Variants in BACE2 observed in about 807,000 individuals in gnomAD.
BACE2 encodes beta-secretase 2.
In BACE2, 17 loss-of-function variants were observed where a neutral mutation model predicts 46.2. That is an observed-to-expected ratio of 0.37 (90% CI 0.25 to 0.55). The LOEUF (loss-of-function observed/expected upper bound fraction) is 0.55. Ranked by LOEUF, BACE2 falls within the 20% of genes least tolerant of loss-of-function variation. The pLI, the probability that BACE2 is intolerant of heterozygous loss-of-function variation, is 0.82. For missense variants in BACE2, 595 were observed against 698.1 expected (o/e 0.85, Z 1.66); for synonymous variants, 277 against 295.9 (o/e 0.94, Z 0.66).
At chr21:41,192,973 A>G (rs1985625609) in intron 1 of BACE2, among the ~76,000 whole-genome samples, 1 of 152,204 alleles carries the variant, frequency 6.6e-6, no homozygotes, top group Admixed American at 6.5e-5. Flanking sequence ...TTACTGAGGT[A>G]GAAGGTCCCT....
chr21:41,186,302 G>A (rs911902679), intron 1 of BACE2: 1 of 152,294 alleles, frequency 6.6e-6, no homozygotes, highest in Non-Finnish European at 1.5e-5. Context: ...ACACGAGGCA[G>A]CTGTACTATG....
At position 41,238,563 on chromosome 21, in the gene BACE2, A is replaced by G. The variant is rs375162907; in HGVS notation, c.618+834A>G. Among the ~76,000 whole-genome samples, 5 of 152,210 alleles carry G rather than the reference A, an allele frequency of 3.3e-5. No homozygotes were observed. The South Asian group carries it at 6.2e-4, about 19-fold the overall frequency. ...GACTTGGAACCAACCCAAATGTCCA[A>G]CAATGATAGACTGGATTAAGAAAAT... On this transcript the variant is annotated intron_variant, in intron 3 of 8. Coordinates refer to ENST00000330333, the MANE Select transcript of BACE2 (RefSeq NM_012105.5).
rs968712301 is a variant in BACE2, at chr21:41,282,117, G to C, written c.*6493G>C. 6.6e-6 allele frequency: 1 copy of C among 152,206 alleles called. No homozygotes were observed. The highest frequency in any genetic ancestry group is 1.5e-5 in the Non-Finnish European group (1 of 68,032). 9.4% of individuals were successfully genotyped at this position (152,206 alleles called of 1,614,324 possible). On this transcript the variant is annotated 3_prime_UTR_variant, in exon 9 of 9. Coordinates refer to ENST00000330333, the MANE Select transcript of BACE2 (RefSeq NM_012105.5). ...TCAGTATTTTGCTTCTGGCAGGAGA[G>C]CTGCAAACTGTGTATCCTCAAACAG...
intron 3 of BACE2, among the ~76,000 whole-genome samples, chr21:41,239,380 A>C (rs1987225997): frequency 6.6e-6 from 1 of 151,950 alleles, no homozygotes; most frequent in South Asian, 2.1e-4. Context: ...TTTTCTTTTT[A>C]CTTTTTTATT....
At chr21:41,188,486 A>G (rs1371662308) in intron 1 of BACE2, among the ~76,000 whole-genome samples, 1 of 152,154 alleles carries the variant, frequency 6.6e-6, no homozygotes, top group African/African-American at 2.4e-5. Flanking sequence ...GAAATATTTA[A>G]TAGGGACTTA....
chr21:41,218,966 G>A (rs763147031), intron 1 of BACE2, among the ~76,000 whole-genome samples: 3 of 151,568 alleles, frequency 2.0e-5, no homozygotes, highest in African/African-American at 7.3e-5. Flanking sequence ...GGGTTCAAGC[G>A]ATTTTCCTGC....
intron 1 of BACE2, among the ~76,000 whole-genome samples, chr21:41,205,076 C>T (rs766722046): frequency 7.2e-5 from 11 of 152,100 alleles, no homozygotes; most frequent in Non-Finnish European, 1.2e-4. Context: ...TTCTGTGTTG[C>T]GCATTCAGTT....
At chr21:41,169,166 C>T (rs1038705323) in intron 1 of BACE2, among the ~76,000 whole-genome samples, 1 of 152,016 alleles carries the variant, frequency 6.6e-6, no homozygotes. Context: ...TCCCCTGCGC[C>T]CGCTTTCCTT....
intron 4 of BACE2, 120 bp downstream of exon 4, chr21:41,242,067 A>G: frequency 7.7e-7 from 1 of 1,302,624 alleles, no homozygotes; most frequent in Non-Finnish European, 1.1e-6. Flanking sequence ...GTACTGTAAA[A>G]CTTTCATCCT....
chr21:41,250,303 T>C (rs1987601693), intron 6 of BACE2, among the ~76,000 whole-genome samples: 1 of 152,168 alleles, frequency 6.6e-6, no homozygotes, highest in Non-Finnish European at 1.5e-5. Context: ...GGCAACTTGC[T>C]GGGCTTATGG....
At chr21:41,226,476 A>G in intron 2 of BACE2, 122 bp downstream of exon 2, 6 of 777,288 alleles carry the variant, frequency 7.7e-6, no homozygotes, top group Non-Finnish European at 1.3e-5. Flanking sequence ...ACCAATATGT[A>G]TGTGTATGTA....
chr21:41,247,818 A>C (rs1044001637), intron 6 of BACE2, among the ~76,000 whole-genome samples: 8 of 152,324 alleles, frequency 5.3e-5, no homozygotes, highest in African/African-American at 1.7e-4. Flanking sequence ...AAACATGGGA[A>C]GGTTGTTTGT....
At position 41,170,014 on chromosome 21, in the gene BACE2, C is replaced by A. The variant is rs1370857506; in HGVS notation, c.312+1439C>A. On this transcript the variant is annotated intron_variant, in intron 1 of 8. Coordinates refer to ENST00000330333, the MANE Select transcript of BACE2 (RefSeq NM_012105.5). ...TATTGAGGAAGAACCTCTTCTGTGA[C>A]CTGCAGAGAATCTTTTGGAACAGGC... Among the ~76,000 whole-genome samples the A allele has an allele frequency of 2.6e-5, 4 of 152,112 alleles. No homozygotes were observed. The East Asian group carries it at 7.7e-4, about 29-fold the overall frequency.
intron 1 of BACE2, among the ~76,000 whole-genome samples, chr21:41,195,558 A>C (rs1217659129): frequency 6.6e-6 from 1 of 152,230 alleles, no homozygotes; most frequent in Non-Finnish European, 1.5e-5. Context: ...CCAACCGTGC[A>C]GTCAAATACA....
chr21:41,210,720 T>C (rs1006221040), intron 1 of BACE2, among the ~76,000 whole-genome samples: 1 of 152,196 alleles, frequency 6.6e-6, no homozygotes, highest in African/African-American at 2.4e-5. Context: ...GGCTGCTCAC[T>C]TGAGTGCCTT....
At position 41,280,431 on chromosome 21, in the gene BACE2, CT is replaced by C. The variant is rs1280718083; in HGVS notation, c.*4808del. Reference sequence around the variant, plus strand: ...TTCCAGGAAAGGAGCTCCCTCCTGTCTCACTGCTGTCAGCGTGGGAGCCCTG... The same window carrying C: ...TTCCAGGAAAGGAGCTCCCTCCTGTCCACTGCTGTCAGCGTGGGAGCCCTG... On this transcript the variant is annotated 3_prime_UTR_variant, in exon 9 of 9. Transcript: ENST00000330333. 1 of 152,322 alleles carries C rather than the reference CT, an allele frequency of 6.6e-6. No individual in the cohort carries two copies. The highest frequency in any genetic ancestry group is 1.9e-4 in the East Asian group (1 of 5,196). The allele number at this position is 152,322 out of a possible 1,614,324, so 9.4% of individuals were successfully genotyped here.
chr21:41,239,015 A>T (rs1475439989), intron 3 of BACE2, among the ~76,000 whole-genome samples: 1 of 149,378 alleles, frequency 6.7e-6, no homozygotes, highest in Non-Finnish European at 1.5e-5. Flanking sequence ...CTGGCCCTGT[A>T]CCTGGGTACC....
intron 8 of BACE2, among the ~76,000 whole-genome samples, chr21:41,260,253 T>C (rs745579368): frequency 6.6e-6 from 1 of 152,118 alleles, no homozygotes; most frequent in Non-Finnish European, 1.5e-5. Flanking sequence ...CAAGCAATCC[T>C]CCCACCTCAG....
At chr21:41,231,340 A>C (rs1042537757) in intron 2 of BACE2, among the ~76,000 whole-genome samples, 1 of 152,118 alleles carries the variant, frequency 6.6e-6, no homozygotes, top group Admixed American at 6.5e-5. Context: ...ACAGAAGATT[A>C]AGAGGGGCAT....
Sources: allele counts gnomAD v4.1 joint callset (sites outside exome capture counted in the v4.1 genomes callset), GRCh38; gene constraint gnomAD v4.1.1; transcripts MANE v1.5; gene names NCBI Gene and HGNC (gene_info 2026-07-23, HGNC 2026-07-21).